Variants in EFNA5 observed in about 807,000 individuals in gnomAD.
EFNA5 encodes the protein ephrin-A5.
Under a neutral mutation model 22.9 loss-of-function variants are expected in EFNA5, and 5 were observed. The observed-to-expected ratio is 0.22, with a 90% CI of 0.11 to 0.46. EFNA5 has a LOEUF of 0.46. Ranked by LOEUF, EFNA5 falls within the 20% of genes least tolerant of loss-of-function variation. The pLI, the probability that EFNA5 is intolerant of heterozygous loss-of-function variation, is 0.99. For synonymous variants in EFNA5, 113 were observed against 112.2 expected (o/e 1.01, Z -0.04); for missense variants, 237 against 293.3 (o/e 0.81, Z 1.40).
chr5:107,398,384 T>C (rs190094824), intron 2 of EFNA5, among the ~76,000 whole-genome samples: 149 of 152,288 alleles, frequency 9.8e-4, no homozygotes, highest in African/African-American at 3.6e-3. Context: ...TGTTTTGTTT[T>C]AGAACTGGTT....
chr5:107,461,920 T>A (rs556863815), intron 1 of EFNA5, among the ~76,000 whole-genome samples: 1 of 152,310 alleles, frequency 6.6e-6, no homozygotes, highest in South Asian at 2.1e-4. Flanking sequence ...TACTTGTACA[T>A]GTTTTCAAAG....
chr5:107,541,392 A>C (rs1748045201), intron 1 of EFNA5, among the ~76,000 whole-genome samples: 1 of 152,368 alleles, frequency 6.6e-6, no homozygotes, highest in African/African-American at 2.4e-5. Flanking sequence ...AATATGTTAC[A>C]CATGATAAAT....
intron 2 of EFNA5, among the ~76,000 whole-genome samples, chr5:107,398,697 T>G (rs1414053644): frequency 6.6e-6 from 1 of 151,392 alleles, no homozygotes; most frequent in Non-Finnish European, 1.5e-5. Context: ...AAAAAAAATT[T>G]TTTTTTTATT....
intron 1 of EFNA5, among the ~76,000 whole-genome samples, chr5:107,523,122 C>T (rs1747628924): frequency 6.6e-6 from 1 of 152,126 alleles, no homozygotes; most frequent in Non-Finnish European, 1.5e-5. Flanking sequence ...CAACTATGGC[C>T]AATCTTCACA....
chr5:107,611,083 T>C (rs1749812655), intron 1 of EFNA5, among the ~76,000 whole-genome samples: 1 of 151,902 alleles, frequency 6.6e-6, no homozygotes, highest in Admixed American at 6.6e-5. Context: ...CATAGAAACA[T>C]GAAAGTGGGG....
At chr5:107,642,580 G>A (rs1452288822) in intron 1 of EFNA5, among the ~76,000 whole-genome samples, 1 of 152,038 alleles carries the variant, frequency 6.6e-6, no homozygotes, top group East Asian at 1.9e-4. Context: ...TCATAGACTG[G>A]AGAATATCAC....
intron 1 of EFNA5, among the ~76,000 whole-genome samples, chr5:107,516,003 T>A (rs1037691507): frequency 1.3e-5 from 2 of 152,180 alleles, no homozygotes; most frequent in African/African-American, 4.8e-5. Context: ...CCCTAGACAC[T>A]AGAATTTTAT....
intron 1 of EFNA5, among the ~76,000 whole-genome samples, chr5:107,576,630 A>G (rs1201684552): frequency 6.6e-6 from 1 of 152,218 alleles, no homozygotes; most frequent in Non-Finnish European, 1.5e-5. Flanking sequence ...TTTATCAATT[A>G]CCACTGCTTA....
At chr5:107,667,735 G>T (rs1751107441) in intron 1 of EFNA5, among the ~76,000 whole-genome samples, 2 of 151,976 alleles carry the variant, frequency 1.3e-5, no homozygotes, top group African/African-American at 2.4e-5. Context: ...TTTTTCAAAA[G>T]ATTGAAGTCT....
chr5:107,559,036 A>G (rs1748478337), intron 1 of EFNA5, among the ~76,000 whole-genome samples: 1 of 152,256 alleles, frequency 6.6e-6, no homozygotes, highest in African/African-American at 2.4e-5. Context: ...CTTAGATGAC[A>G]GAATGGCAAG....
intron 1 of EFNA5, among the ~76,000 whole-genome samples, chr5:107,663,933 G>A (rs537889693): frequency 5.8e-4 from 89 of 152,168 alleles, no homozygotes; most frequent in Admixed American, 1.6e-3. Context: ...AGATGACAAA[G>A]GTTTATTTTT....
At chr5:107,605,159 G>T in intron 1 of EFNA5, among the ~76,000 whole-genome samples, 1 of 148,886 alleles carries the variant, frequency 6.7e-6, no homozygotes, top group South Asian at 2.2e-4. Context: ...GGATGGGGGG[G>T]GAAGCAGAGC....
chr5:107,561,116 G>T (rs941902631), intron 1 of EFNA5, among the ~76,000 whole-genome samples: 6 of 152,050 alleles, frequency 3.9e-5, no homozygotes, highest in Non-Finnish European at 7.4e-5. Flanking sequence ...CTCTTTACAG[G>T]CCTGATGAGC....
At chr5:107,527,726 T>C (rs922965344) in intron 1 of EFNA5, among the ~76,000 whole-genome samples, 6 of 152,176 alleles carry the variant, frequency 3.9e-5, no homozygotes, top group African/African-American at 1.2e-4. Context: ...CATTATCTTA[T>C]TTCAGATGCC....
chr5:107,602,660 T>C lies in EFNA5; in HGVS notation c.125+67829A>G, dbSNP rs576514119. 5.3e-5 allele frequency among the ~76,000 whole-genome samples: 8 copies of C among 152,270 alleles called. No individual in the cohort carries two copies. The East Asian group carries it at 1.2e-3, about 22-fold the overall frequency. On this transcript the variant is annotated intron_variant, in intron 1 of 4. Coordinates refer to ENST00000333274, the MANE Select transcript of EFNA5 (RefSeq NM_001962.3). ...ACAGGCTGGGGACAGGACTAATAAT[T>C]TGACTTAATTACATGGTAATACTTA...
intron 3 of EFNA5, 146 bp downstream of exon 3, chr5:107,387,560 T>C: frequency 1.5e-6 from 1 of 682,516 alleles, no homozygotes; most frequent in Non-Finnish European, 2.6e-6. Flanking sequence ...AAAAATATGA[T>C]GAAAACTAAA....
At chr5:107,507,112 CAAAAT>C (rs1747269852) in intron 1 of EFNA5, among the ~76,000 whole-genome samples, 1 of 150,950 alleles carries the variant, frequency 6.6e-6, no homozygotes, top group Non-Finnish European at 1.5e-5. Context: ...TATGATCTGT[CAAAAT>C]AAAAAAAAAC....
chr5:107,582,338 T>C (rs1274516834), intron 1 of EFNA5, among the ~76,000 whole-genome samples: 2 of 152,220 alleles, frequency 1.3e-5, no homozygotes, highest in Admixed American at 6.5e-5. Flanking sequence ...CATATCTACA[T>C]AGGAAATTAA....
intron 2 of EFNA5, among the ~76,000 whole-genome samples, chr5:107,416,586 T>A (rs891830983): frequency 6.6e-6 from 1 of 152,194 alleles, no homozygotes; most frequent in Non-Finnish European, 1.5e-5. Flanking sequence ...ATATGCTAAA[T>A]CACTCTAATT....
Sources: gnomAD v4.1 joint callset for allele counts (sites outside exome capture counted in the v4.1 genomes callset) on GRCh38, gnomAD v4.1.1 for gene constraint, MANE v1.5 for transcripts, NCBI Gene and HGNC (gene_info 2026-07-23, HGNC 2026-07-21) for gene names.